Variants in DNAI7 observed in about 807,000 individuals in gnomAD.
The protein encoded by DNAI7 is dynein axonemal intermediate chain 7, also known as cancer susceptibility 1.
A neutral mutation model predicts 86.6 loss-of-function variants in DNAI7; 78 were observed. That is an observed-to-expected ratio of 0.90 (90% CI 0.75 to 1.09). The LOEUF (loss-of-function observed/expected upper bound fraction) is 1.09, where lower values mean the gene tolerates loss of function less well. Among genes scored for constraint, DNAI7 ranks in the 50% least tolerant of loss-of-function variants. The probability of loss-of-function intolerance (pLI) is 0.00; values close to 1 mark genes in which losing one functional copy is unlikely to be tolerated. For missense variants in DNAI7, 753 were observed against 810.2 expected (o/e 0.93, Z 0.86); for synonymous variants, 274 against 273.0 (o/e 1.00, Z -0.04).
At chr12:25,107,246 ACTTTT>A (rs1949232559), downstream of DNAI7, among the ~76,000 whole-genome samples, 2 of 152,096 alleles carry the variant, frequency 1.3e-5, no homozygotes, top group African/African-American at 4.8e-5. Context: ...CATTCACATA[ACTTTT>A]ACTGTAATAT....
intron 1 of DNAI7, among the ~76,000 whole-genome samples, chr12:25,190,884 T>C (rs1404983763): frequency 6.6e-6 from 1 of 152,210 alleles, no homozygotes; most frequent in Non-Finnish European, 1.5e-5. Context: ...TTTTTTTGTA[T>C]GTAGATTTTA....
At chr12:25,135,302 G>A (rs1267964057) in intron 9 of DNAI7, among the ~76,000 whole-genome samples, 1 of 152,204 alleles carries the variant, frequency 6.6e-6, no homozygotes, top group Non-Finnish European at 1.5e-5. Flanking sequence ...AGAAGCAGTG[G>A]GAAGAGCCCT....
At chr12:25,170,513 A>G (rs984266280) in intron 2 of DNAI7, among the ~76,000 whole-genome samples, 1 of 152,258 alleles carries the variant, frequency 6.6e-6, no homozygotes, top group African/African-American at 2.4e-5. Flanking sequence ...CAAGACAGAC[A>G]GTAACACAAC....
intron 2 of DNAI7, among the ~76,000 whole-genome samples, chr12:25,169,314 G>C (rs1565794470): frequency 6.6e-6 from 1 of 151,680 alleles, no homozygotes; most frequent in Non-Finnish European, 1.5e-5. Flanking sequence ...AGCACCTTGT[G>C]ACCCCCACTC....
At chr12:25,155,962 G>A (rs1031602649) in intron 4 of DNAI7, among the ~76,000 whole-genome samples, 1 of 152,122 alleles carries the variant, frequency 6.6e-6, no homozygotes, top group Admixed American at 6.5e-5. Flanking sequence ...AAAATTAGCC[G>A]GGTATGGTGG....
chr12:25,127,222 C>T (rs904209494), intron 9 of DNAI7, among the ~76,000 whole-genome samples: 3 of 152,188 alleles, frequency 2.0e-5, no homozygotes, highest in South Asian at 2.1e-4. Flanking sequence ...GTCATCAGAA[C>T]GTGCTCCCGC....
intron 2 of DNAI7, among the ~76,000 whole-genome samples, chr12:25,177,347 T>C (rs1949070233): frequency 6.6e-6 from 1 of 152,218 alleles, no homozygotes; most frequent in South Asian, 2.1e-4. Flanking sequence ...CCATTGCCCC[T>C]AGCCCTGTCA....
At chr12:25,118,781 GT>G (rs1316118507) in intron 12 of DNAI7, among the ~76,000 whole-genome samples, 5 of 151,754 alleles carry the variant, frequency 3.3e-5, no homozygotes, top group African/African-American at 1.2e-4. Context: ...GCCCAGGCTG[GT>G]CTTAAACTCC....
intron 2 of DNAI7, among the ~76,000 whole-genome samples, chr12:25,169,859 A>AAG (rs1231141181): frequency 6.6e-6 from 1 of 151,642 alleles, no homozygotes; most frequent in African/African-American, 2.4e-5. Flanking sequence ...AAAAAAAAAA[A>AAG]AAAAAGAAAA....
chr12:25,192,688 A>T (rs1407602739), intron 1 of DNAI7: 1 of 152,064 alleles, frequency 6.6e-6, no homozygotes, highest in Admixed American at 6.6e-5. Context: ...GCGTGGTGGC[A>T]TGCACCTGTA....
At chr12:25,116,721 C>T (rs918090700) in intron 12 of DNAI7, among the ~76,000 whole-genome samples, 6 of 151,700 alleles carry the variant, frequency 4.0e-5, no homozygotes, top group Non-Finnish European at 8.8e-5. Context: ...TCTCGAACTC[C>T]TGACCTCAGG....
chr12:25,142,415 G>A (rs1423552039), intron 9 of DNAI7, among the ~76,000 whole-genome samples: 1 of 151,914 alleles, frequency 6.6e-6, no homozygotes, highest in Non-Finnish European at 1.5e-5. Flanking sequence ...GGTAATGGGT[G>A]CACCAAAATC....
intron 9 of DNAI7, among the ~76,000 whole-genome samples, chr12:25,135,765 A>G (rs1203491369): frequency 6.6e-6 from 1 of 150,890 alleles, no homozygotes; most frequent in Non-Finnish European, 1.5e-5. Flanking sequence ...TGTATGACAC[A>G]GCAGAGGCAG....
Position 25,108,307 on chromosome 12 carries a change from ATTGAAATAAAGAATCATTT to A in DNAI7, c.*222_*240del. On this transcript the variant is annotated 3_prime_UTR_variant, in exon 16 of 16. Coordinates refer to ENST00000395987, the MANE Select transcript of DNAI7 (RefSeq NM_018272.5). ...TATTATATATTGTTTGTTAAAGTTT[ATTGAAATAAAGAATCATTT>A]AAATCTTCATAGAGTGAAAGCTGAA... 1 of 545,496 alleles carries A rather than the reference ATTGAAATAAAGAATCATTT, an allele frequency of 1.8e-6. No individual in the cohort carries two copies. The highest frequency in any genetic ancestry group is 3.1e-6 in the Non-Finnish European group (1 of 321,300). 33.8% of individuals were successfully genotyped at this position (545,496 alleles called of 1,614,324 possible).
chr12:25,113,194 G>A (rs1939308427), intron 13 of DNAI7, among the ~76,000 whole-genome samples: 1 of 152,124 alleles, frequency 6.6e-6, no homozygotes, highest in Non-Finnish European at 1.5e-5. Context: ...CAACAGGAGG[G>A]TAGACCAGAA....
At chr12:25,107,055 G>A (rs777890534), downstream of DNAI7, 2 of 1,494,986 alleles carry the variant, frequency 1.3e-6, no homozygotes, top group South Asian at 1.2e-5. Context: ...TTCAGTGTAA[G>A]TTATCTACTT....
intron 6 of DNAI7, among the ~76,000 whole-genome samples, chr12:25,150,348 C>T (rs567221327): frequency 5.8e-4 from 88 of 152,126 alleles, no homozygotes; most frequent in Admixed American, 4.2e-3. Context: ...CTCATGCCTG[C>T]AATCCCAGCA....
chr12:25,179,832 C>A (rs1050780602), intron 2 of DNAI7, among the ~76,000 whole-genome samples: 1 of 151,832 alleles, frequency 6.6e-6, no homozygotes, highest in African/African-American at 2.4e-5. Flanking sequence ...CCACAGCCAA[C>A]ATCATACTGA....
chr12:25,115,610 T>C (rs1939931079), intron 12 of DNAI7, among the ~76,000 whole-genome samples: 1 of 152,082 alleles, frequency 6.6e-6, no homozygotes. Flanking sequence ...GGGAAATAAA[T>C]TAAAACTACA....
Sources: allele counts gnomAD v4.1 joint callset (sites outside exome capture counted in the v4.1 genomes callset), GRCh38; gene constraint gnomAD v4.1.1; transcripts MANE v1.5; gene names NCBI Gene and HGNC (gene_info 2026-07-23, HGNC 2026-07-21).